The following VAMP4 variants were observed in gnomAD, a reference collection of about 807,000 sequenced individuals.
VAMP4 encodes vesicle-associated membrane protein 4.
A neutral mutation model predicts 23.5 loss-of-function variants in VAMP4; 19 were observed. The ratio of observed to expected loss-of-function variants is 0.81; its 90% CI spans 0.56 to 1.19. VAMP4 has a LOEUF of 1.19. Among genes scored for constraint, VAMP4 ranks in the 50% most tolerant of loss-of-function variants. The pLI is 0.00. For synonymous variants in VAMP4, 31 were observed against 51.0 expected (o/e 0.61, Z 1.67); for missense variants, 145 against 168.6 (o/e 0.86, Z 0.78).
intron 2 of VAMP4, among the ~76,000 whole-genome samples, chr1:171,733,601 G>A (rs527347914): frequency 1.1e-4 from 17 of 152,240 alleles, no homozygotes; most frequent in Admixed American, 5.2e-4. Context: ...ATAAACACAA[G>A]TGCTAGGGAT....
intron 1 of VAMP4, among the ~76,000 whole-genome samples, chr1:171,738,756 G>A (rs1045797365): frequency 1.3e-5 from 2 of 152,206 alleles, no homozygotes; most frequent in East Asian, 1.9e-4. Flanking sequence ...GAGGGAGGAC[G>A]TCTCACTGAG....
At chr1:171,741,478 T>C (rs1400194544) in intron 1 of VAMP4, among the ~76,000 whole-genome samples, 2 of 147,994 alleles carry the variant, frequency 1.4e-5, no homozygotes, top group Non-Finnish European at 1.5e-5. Context: ...GCCCTTTAAA[T>C]ACACAATTTC....
chr1:171,735,080 A>C (rs1274348008), intron 2 of VAMP4, among the ~76,000 whole-genome samples: 1 of 152,170 alleles, frequency 6.6e-6, no homozygotes, highest in Non-Finnish European at 1.5e-5. Flanking sequence ...GATTATGACC[A>C]ACATGCCATG....
chr1:171,713,854 G>C (rs1051036496), intron 4 of VAMP4, among the ~76,000 whole-genome samples: 1 of 151,984 alleles, frequency 6.6e-6, no homozygotes, highest in Non-Finnish European at 1.5e-5. Flanking sequence ...AACCCTTTAA[G>C]GATAAGATTC....
intron 3 of VAMP4, among the ~76,000 whole-genome samples, chr1:171,725,570 A>G (rs1655336263): frequency 6.6e-6 from 1 of 152,166 alleles, no homozygotes; most frequent in Admixed American, 6.5e-5. Context: ...CAATCTTGTC[A>G]CCCATAGAAA....
At chr1:171,723,021 G>A (rs1281794375) in intron 3 of VAMP4, among the ~76,000 whole-genome samples, 1 of 152,138 alleles carries the variant, frequency 6.6e-6, no homozygotes, top group Admixed American at 6.5e-5. Flanking sequence ...CTACAAAAGA[G>A]AGAAATTTTA....
At chr1:171,729,847 A>G (rs1451806115) in intron 2 of VAMP4, among the ~76,000 whole-genome samples, 1 of 152,128 alleles carries the variant, frequency 6.6e-6, no homozygotes, top group Admixed American at 6.5e-5. Flanking sequence ...AAAACCTGTG[A>G]ATGTGTTACC....
At chr1:171,732,987 A>T (rs1321346983) in intron 2 of VAMP4, among the ~76,000 whole-genome samples, 1 of 152,182 alleles carries the variant, frequency 6.6e-6, no homozygotes, top group Non-Finnish European at 1.5e-5. Context: ...GACATTATAG[A>T]AAAACAAAGA....
intron 3 of VAMP4, among the ~76,000 whole-genome samples, chr1:171,725,430 G>A (rs1185114724): frequency 2.6e-5 from 4 of 152,048 alleles, no homozygotes; most frequent in Non-Finnish European, 5.9e-5. Context: ...ATGAGACCCT[G>A]TCTCAGTCAA....
intron 4 of VAMP4, among the ~76,000 whole-genome samples, chr1:171,714,893 A>C (rs1197434645): frequency 3.3e-5 from 5 of 152,220 alleles, no homozygotes; most frequent in African/African-American, 1.2e-4. Flanking sequence ...ACCATGTGTT[A>C]AGGGATATAA....
intron 2 of VAMP4, among the ~76,000 whole-genome samples, chr1:171,733,511 A>G (rs114119180): frequency 9.2e-5 from 14 of 152,208 alleles, no homozygotes; most frequent in African/African-American, 3.4e-4. Context: ...TTAGAGGATA[A>G]TGATACTAAA....
At chr1:171,728,446 A>C in intron 3 of VAMP4, 78 bp downstream of exon 3, 1 of 1,219,888 alleles carries the variant, frequency 8.2e-7, no homozygotes, top group Non-Finnish European at 1.1e-6. Flanking sequence ...ATCTGTCAAA[A>C]TGTATACAGT....
chr1:171,740,762 A>G (rs1467402938), intron 1 of VAMP4, among the ~76,000 whole-genome samples: 2 of 152,252 alleles, frequency 1.3e-5, no homozygotes, highest in Non-Finnish European at 2.9e-5. Flanking sequence ...ATCCCAAAGC[A>G]AACAACGGGC....
At chr1:171,712,610 C>A (rs1654884016) in intron 4 of VAMP4, among the ~76,000 whole-genome samples, 1 of 152,154 alleles carries the variant, frequency 6.6e-6, no homozygotes, top group Non-Finnish European at 1.5e-5. Context: ...GGATATAAGA[C>A]TGAAGCTCAA....
intron 3 of VAMP4, 144 bp from the exon 4 acceptor site, chr1:171,719,365 T>G: frequency 1.7e-6 from 1 of 597,940 alleles, no homozygotes; most frequent in South Asian, 2.9e-5. Context: ...GACCACATTT[T>G]ACTGATACTG....
intron 1 of VAMP4, among the ~76,000 whole-genome samples, chr1:171,740,033 G>A (rs116100262): frequency 6.6e-6 from 1 of 152,242 alleles, no homozygotes; most frequent in South Asian, 2.1e-4. Flanking sequence ...TATGTGCTAG[G>A]CACGGTGCTC....
At chr1:171,719,117 T>C in intron 4 of VAMP4, 54 bp downstream of exon 4, 7 of 1,541,968 alleles carry the variant, frequency 4.5e-6, no homozygotes, top group Non-Finnish European at 6.2e-6. Context: ...AGTTTGCCAA[T>C]CTCTAGTCTA....
chr1:171,730,170 A>G (rs571069747), intron 2 of VAMP4, among the ~76,000 whole-genome samples: 2 of 152,368 alleles, frequency 1.3e-5, no homozygotes, highest in East Asian at 3.9e-4. Context: ...CACCAGAACC[A>G]TAAGACAATA....
At chr1:171,715,366 G>A (rs1001373) in intron 4 of VAMP4, among the ~76,000 whole-genome samples, 26,190 of 152,004 alleles carry the variant, frequency 0.17, 2,350 homozygotes, top group Middle Eastern at 0.24. Flanking sequence ...AGAGTCTGAC[G>A]GCACCTGTAT....
Sources: gnomAD v4.1 joint callset for allele counts (sites outside exome capture counted in the v4.1 genomes callset) on GRCh38, gnomAD v4.1.1 for gene constraint, MANE v1.5 for transcripts, NCBI Gene and HGNC (gene_info 2026-07-23, HGNC 2026-07-21) for gene names.